The following TTLL7 variants were observed in gnomAD, a reference collection of about 807,000 sequenced individuals.
TTLL7 encodes tubulin polyglutamylase TTLL7.
In TTLL7, 53 loss-of-function variants were observed where a neutral mutation model predicts 120.2. The ratio of observed to expected loss-of-function variants is 0.44; its 90% CI spans 0.35 to 0.55. The LOEUF (loss-of-function observed/expected upper bound fraction) is 0.55. Among genes scored for constraint, TTLL7 ranks in the 20% least tolerant of loss-of-function variants. The probability of loss-of-function intolerance (pLI) is 0.00; values close to 1 mark genes in which losing one functional copy is unlikely to be tolerated. For synonymous variants in TTLL7, 353 were observed against 351.7 expected (o/e 1.00, Z -0.04); for missense variants, 803 against 1,054.7 (o/e 0.76, Z 3.31).
At chr1:83,945,295 T>C (rs747998379) in intron 6 of TTLL7, among the ~76,000 whole-genome samples, 2 of 152,016 alleles carry the variant, frequency 1.3e-5, no homozygotes, top group Non-Finnish European at 2.9e-5. Flanking sequence ...AGATTCAAAA[T>C]GAAAGGATGG....
rs1244031249 is a variant in TTLL7, at chr1:83,883,002, C to A, written c.2504G>T (p.Gly835Val). The part of the protein sequence containing the change: ...VVYKYATDKR[G>V]SLSGIGPDWG... ...GTCAGGACCAATGCCTGAAAGTGAT[C>A]CTCTTTTGTCAGTTGCATATTTGTA... Residue 835 changes from glycine (G) to valine (V), a missense_variant, in exon 20 of 21, where the codon GGA becomes GTA. Gly to Val is a moderately radical substitution (Grantham distance 109, BLOSUM62 -3). This residue lies in a region of TTLL7 where 388 missense variants were observed against 450.4 expected (regional missense o/e 0.86). Transcript: ENST00000260505. 1 of 1,612,430 alleles carries A rather than the reference C, an allele frequency of 6.2e-7. No homozygotes were observed. Among genetic ancestry groups the A allele is most frequent in the Non-Finnish European group, 8.5e-7 (1 of 1,179,128 alleles).
chr1:83,921,276 G>A lies in TTLL7; in HGVS notation c.1261C>T (p.His421Tyr), dbSNP rs1468705333. 2 of 1,613,120 alleles carry A rather than the reference G, an allele frequency of 1.2e-6. No individual in the cohort carries two copies. Among genetic ancestry groups the A allele is most frequent in the Non-Finnish European group, 1.7e-6 (2 of 1,179,700 alleles). Residue 421 changes from histidine to tyrosine, a missense_variant, in exon 11 of 21, where the codon CAC becomes TAC. By Grantham distance (83) the His-to-Tyr change is moderately conservative. This residue lies in a region of TTLL7 where 324 missense variants were observed against 507.7 expected (regional missense o/e 0.64). Coordinates refer to ENST00000260505, the MANE Select transcript of TTLL7 (RefSeq NM_024686.6). ...PGSSDWEQQR[H>Y]QLERRKEELK... The stretch of plus-strand genomic sequence containing the variant: ...TCTTCTTTCCGCCTCTCCAACTGGT[G>A]TCTCTGCTGTTCCCAGTCTGAGGAG...
chr1:83,969,896 AT>A (rs2100566053), intron 1 of TTLL7, among the ~76,000 whole-genome samples: 1 of 152,130 alleles, frequency 6.6e-6, no homozygotes, highest in South Asian at 2.1e-4. Context: ...AATGATATGT[AT>A]TTTACCATGA....
intron 6 of TTLL7, among the ~76,000 whole-genome samples, chr1:83,943,743 G>A (rs149672050): frequency 2.8e-3 from 423 of 152,244 alleles, no homozygotes; most frequent in African/African-American, 9.7e-3. Context: ...ATATTATGAG[G>A]CATGCAAAGG....
intron 20 of TTLL7, among the ~76,000 whole-genome samples, chr1:83,874,643 C>CTTTG (rs1225569938): frequency 1.3e-5 from 2 of 152,022 alleles, no homozygotes; most frequent in African/African-American, 4.8e-5. Flanking sequence ...CCAACACTTA[C>CTTTG]TACTTTGTAC....
At position 83,933,339 on chromosome 1, in the gene TTLL7, A is replaced by T. The variant is rs373539871; in HGVS notation, c.1047+269T>A. On this transcript the variant is annotated intron_variant, in intron 9 of 20. Coordinates refer to ENST00000260505, the MANE Select transcript of TTLL7 (RefSeq NM_024686.6). ...AATAGTAGAGCAAGTAAGCAACAAA[A>T]CAGTAAAAGCACCTCCACACTTCAA... Among the ~76,000 whole-genome samples the T allele has an allele frequency of 4.3e-4, 66 of 152,250 alleles. 1 individual carries two copies. In the South Asian group the frequency reaches 0.013, roughly 30 times the overall value.
chr1:83,995,522 T>C (rs1010497244), intron 1 of TTLL7, among the ~76,000 whole-genome samples: 1 of 151,860 alleles, frequency 6.6e-6, no homozygotes, highest in African/African-American at 2.4e-5. Flanking sequence ...TTCAACATGA[T>C]TGGACGCTTC....
chr1:83,998,798 C>A (rs1206705230), intron 1 of TTLL7, 133 bp downstream of exon 1: 3 of 300,796 alleles, frequency 1.0e-5, no homozygotes, highest in East Asian at 1.3e-4. Flanking sequence ...TTCCGCGGCT[C>A]CCAGCGGGGA....
At chr1:83,937,223 G>A (rs537839621) in intron 8 of TTLL7, among the ~76,000 whole-genome samples, 1 of 144,354 alleles carries the variant, frequency 6.9e-6, no homozygotes, top group East Asian at 2.0e-4. Flanking sequence ...TTTTTTTTGA[G>A]ACCAAAATCT....
intron 15 of TTLL7, among the ~76,000 whole-genome samples, chr1:83,909,213 T>A (rs1173091710): frequency 6.7e-6 from 1 of 149,320 alleles, no homozygotes; most frequent in Non-Finnish European, 1.5e-5. Flanking sequence ...ACCTGATCAC[T>A]GGGCAGAAGG....
intron 13 of TTLL7, 95 bp downstream of exon 13, chr1:83,919,604 A>C: frequency 8.6e-7 from 1 of 1,160,204 alleles, no homozygotes; most frequent in South Asian, 2.1e-5. Context: ...CTTAAAAGTA[A>C]AATGTTTTTA....
At chr1:83,964,474 AT>A (rs1389973930) in intron 1 of TTLL7, among the ~76,000 whole-genome samples, 1 of 152,090 alleles carries the variant, frequency 6.6e-6, no homozygotes, top group African/African-American at 2.4e-5. Context: ...GTAGAAATGT[AT>A]CACCAATCTG....
In TTLL7 at chr1:83,906,376, G is replaced by A. The variant is rs768014606; in HGVS notation, c.2080C>T (p.Arg694Trp). ...TCTGCATCTGACTTTCCTGGAAACCGGATCTTCATGTCTTTGAGAACAAAT... is the reference window on the plus strand; with the variant it reads ...TCTGCATCTGACTTTCCTGGAAACCAGATCTTCATGTCTTTGAGAACAAAT... ...TLFVLKDMKIRFPGKSDAESE... is the reference protein window; with the variant it reads ...TLFVLKDMKIWFPGKSDAESE... The change falls in exon 17 of 21, where the codon CGG becomes TGG. Residue 694 changes from arginine (R) to tryptophan (W), a missense_variant. Coordinates refer to ENST00000260505, the MANE Select transcript of TTLL7 (RefSeq NM_024686.6). 1.2e-5 allele frequency: 20 copies of A among 1,612,224 alleles called. No individual in the cohort carries two copies. Among genetic ancestry groups the A allele is most frequent in the South Asian group, 2.2e-5 (2 of 90,994 alleles).
chr1:83,894,959 C>A (rs1176532650), intron 18 of TTLL7, among the ~76,000 whole-genome samples: 1 of 152,152 alleles, frequency 6.6e-6, no homozygotes, highest in East Asian at 1.9e-4. Flanking sequence ...GAACAGGAAC[C>A]CAAATCCTTC....
intron 1 of TTLL7, among the ~76,000 whole-genome samples, chr1:83,982,348 C>T (rs2100609725): frequency 6.6e-6 from 1 of 151,750 alleles, no homozygotes; most frequent in Non-Finnish European, 1.5e-5. Flanking sequence ...AATCTAAGTT[C>T]CTATTTCAAG....
intron 14 of TTLL7, among the ~76,000 whole-genome samples, chr1:83,913,378 T>C (rs1186490369): frequency 2.0e-5 from 3 of 152,206 alleles, no homozygotes; most frequent in Non-Finnish European, 2.9e-5. Context: ...ACCAACCTAA[T>C]ACTTCATGTG....
chr1:83,943,428 G>C (rs1648171364), intron 6 of TTLL7, among the ~76,000 whole-genome samples: 1 of 152,126 alleles, frequency 6.6e-6, no homozygotes, highest in African/African-American at 2.4e-5. Flanking sequence ...GGAAGTTAAG[G>C]CTAAGGCAGA....
chr1:83,925,618 T>C (rs1193250227), intron 10 of TTLL7, among the ~76,000 whole-genome samples: 3 of 152,196 alleles, frequency 2.0e-5, no homozygotes, highest in Non-Finnish European at 4.4e-5. Context: ...CGATTCATAA[T>C]AAAGTCAAGT....
intron 15 of TTLL7, among the ~76,000 whole-genome samples, chr1:83,909,403 A>G (rs1156586735): frequency 6.6e-6 from 1 of 151,490 alleles, no homozygotes; most frequent in Admixed American, 6.6e-5. Flanking sequence ...AAGCTGAAAT[A>G]AGTTTGAATT....
Sources: allele counts gnomAD v4.1 joint callset (sites outside exome capture counted in the v4.1 genomes callset), GRCh38; gene constraint gnomAD v4.1.1; regional missense constraint gnomAD v4.1.1; transcripts MANE v1.5; gene names NCBI Gene and HGNC (gene_info 2026-07-23, HGNC 2026-07-21).